SMYD3: variants seen among roughly 807,000 people sequenced by gnomAD.
SMYD3 encodes histone-lysine N-methyltransferase SMYD3.
In SMYD3, 36 loss-of-function variants were observed where a neutral mutation model predicts 57.7. The observed-to-expected ratio is 0.62, with a 90% confidence interval of 0.48 to 0.82. The LOEUF (loss-of-function observed/expected upper bound fraction) is 0.82, where lower values mean the gene tolerates loss of function less well. Among genes scored for constraint, SMYD3 ranks in the 40% least tolerant of loss-of-function variants. SMYD3 has a pLI of 0.00. For synonymous variants in SMYD3, 211 were observed against 195.0 expected (o/e 1.08, Z -0.68); for missense variants, 515 against 538.8 (o/e 0.96, Z 0.44).
chr1:245,905,778 G>A (rs2054521623), intron 8 of SMYD3, among the ~76,000 whole-genome samples: 1 of 152,306 alleles, frequency 6.6e-6, no homozygotes, highest in East Asian at 1.9e-4. Flanking sequence ...CACTGTGCTG[G>A]CTTCAGGTCT....
chr1:245,862,330 A>G (rs2051594384), intron 9 of SMYD3, among the ~76,000 whole-genome samples: 1 of 152,110 alleles, frequency 6.6e-6, no homozygotes, highest in South Asian at 2.1e-4. Flanking sequence ...ATACTCTTAA[A>G]TGTTGTTAAA....
At chr1:246,216,047 T>C (rs2148407155) in intron 5 of SMYD3, among the ~76,000 whole-genome samples, 1 of 152,156 alleles carries the variant, frequency 6.6e-6, no homozygotes, top group South Asian at 2.1e-4. Context: ...CCCAGCACTT[T>C]GGGAGGCCAA....
intron 5 of SMYD3, among the ~76,000 whole-genome samples, chr1:246,152,626 C>T (rs529096704): frequency 5.0e-4 from 76 of 152,274 alleles, no homozygotes; most frequent in African/African-American, 1.7e-3. Flanking sequence ...CAATTTCATT[C>T]GATTAGATAT....
At chr1:245,798,387 C>CAAATACACACATACACACACAT (rs2047649547) in intron 10 of SMYD3, among the ~76,000 whole-genome samples, 2 of 128,952 alleles carry the variant, frequency 1.6e-5, no homozygotes, top group Non-Finnish European at 3.3e-5. Context: ...AACACACACA[C>CAAATACACACATACACACACAT]GCGCACACAC....
intron 5 of SMYD3, among the ~76,000 whole-genome samples, chr1:246,319,780 A>C (rs1148723): frequency 0.018 from 2,691 of 152,336 alleles, 43 homozygotes; most frequent in African/African-American, 0.045. Flanking sequence ...AACAGAACTG[A>C]AAATTTAAGC....
chr1:246,308,737 T>A (rs966608813), intron 5 of SMYD3, among the ~76,000 whole-genome samples: 1 of 152,172 alleles, frequency 6.6e-6, no homozygotes, highest in Non-Finnish European at 1.5e-5. Context: ...ATTAAATGAC[T>A]TCAATATGGG....
intron 1 of SMYD3, among the ~76,000 whole-genome samples, chr1:246,471,919 G>A (rs938848644): frequency 1.3e-5 from 2 of 152,132 alleles, no homozygotes; most frequent in Non-Finnish European, 2.9e-5. Context: ...AATATAGAAA[G>A]TGAAGACAAT....
intron 10 of SMYD3, among the ~76,000 whole-genome samples, chr1:245,776,687 G>A (rs555797217): frequency 3.3e-5 from 5 of 152,302 alleles, no homozygotes; most frequent in South Asian, 2.1e-4. Context: ...GGAAGGTGCC[G>A]TATTGTGGTG....
chr1:246,130,188 T>C (rs954315815), intron 5 of SMYD3, among the ~76,000 whole-genome samples: 1 of 152,214 alleles, frequency 6.6e-6, no homozygotes, highest in African/African-American at 2.4e-5. Flanking sequence ...GAGGGAACTC[T>C]TCACCTTGAG....
At chr1:246,209,913 A>G (rs1401630076) in intron 5 of SMYD3, among the ~76,000 whole-genome samples, 2 of 152,212 alleles carry the variant, frequency 1.3e-5, no homozygotes, top group South Asian at 2.1e-4. Context: ...AGGTAAAACT[A>G]CAGTTAGTAG....
chr1:245,993,736 C>T (rs2058863086), intron 5 of SMYD3, among the ~76,000 whole-genome samples: 1 of 151,852 alleles, frequency 6.6e-6, no homozygotes, highest in Admixed American at 6.6e-5. Context: ...GATGCCAGGG[C>T]TGGGGGAATA....
intron 5 of SMYD3, among the ~76,000 whole-genome samples, chr1:246,308,973 T>C (rs1263858471): frequency 6.6e-6 from 1 of 152,156 alleles, no homozygotes; most frequent in Non-Finnish European, 1.5e-5. Context: ...GATTTTATTA[T>C]CCATCTAAAA....
Position 246,049,430 on chromosome 1 carries a change from A to G in SMYD3, c.532-119493T>C, listed in dbSNP as rs188650455. ...TCCTGCCTCAGCCTCCCCAGTAGCT[A>G]GGACTACAGGCGCCCGCCACCACGC... On this transcript the variant is annotated intron_variant, in intron 5 of 11. Transcript: ENST00000490107. Among the ~76,000 whole-genome samples the G allele has an allele frequency of 2.1e-4, 32 of 150,982 alleles. 1 individual carries two copies. The highest frequency in any genetic ancestry group is 3.9e-4 in the East Asian group (2 of 5,112).
intron 5 of SMYD3, among the ~76,000 whole-genome samples, chr1:246,271,779 T>A (rs529176506): frequency 6.6e-6 from 1 of 152,342 alleles, no homozygotes; most frequent in South Asian, 2.1e-4. Flanking sequence ...CTATTTGGAG[T>A]CCCTCAAGAT....
At chr1:246,296,953 C>G (rs952049228) in intron 5 of SMYD3, among the ~76,000 whole-genome samples, 3 of 151,962 alleles carry the variant, frequency 2.0e-5, no homozygotes, top group Non-Finnish European at 2.9e-5. Context: ...AGCTAACAAT[C>G]GATGAATACA....
intron 10 of SMYD3, among the ~76,000 whole-genome samples, chr1:245,830,077 G>A (rs939026880): frequency 5.1e-4 from 77 of 152,266 alleles, no homozygotes; most frequent in African/African-American, 1.7e-3. Flanking sequence ...AAAAGCCACT[G>A]AGTAGTACAC....
intron 5 of SMYD3, among the ~76,000 whole-genome samples, chr1:246,238,592 C>T (rs2063548036): frequency 6.6e-6 from 1 of 152,108 alleles, no homozygotes; most frequent in South Asian, 2.1e-4. Context: ...TGCCATTCAA[C>T]TTCTCCTGTT....
intron 8 of SMYD3, among the ~76,000 whole-genome samples, chr1:245,865,667 A>G (rs1042626190): frequency 4.6e-5 from 7 of 152,238 alleles, no homozygotes; most frequent in Non-Finnish European, 1.0e-4. Context: ...ACTAACAGGT[A>G]GCCACCAGCC....
chr1:245,824,872 A>C (rs896707503), intron 10 of SMYD3, among the ~76,000 whole-genome samples: 1 of 150,164 alleles, frequency 6.7e-6, no homozygotes, highest in Admixed American at 6.7e-5. Context: ...AAAAAAAACA[A>C]AAAAAAAAAT....
Sources: gnomAD v4.1 joint callset for allele counts (sites outside exome capture counted in the v4.1 genomes callset) on GRCh38, gnomAD v4.1.1 for gene constraint, MANE v1.5 for transcripts, NCBI Gene and HGNC (gene_info 2026-07-23, HGNC 2026-07-21) for gene names.